The following RTN4 variants were observed in gnomAD, a reference collection of about 807,000 sequenced individuals.
The protein encoded by RTN4 is reticulon 4, also known as reticulon-4.
A neutral mutation model predicts 90.4 loss-of-function variants in RTN4; 32 were observed. That is an observed-to-expected ratio of 0.35 (90% CI 0.27 to 0.48). The LOEUF (loss-of-function observed/expected upper bound fraction) is 0.48, where lower values mean the gene tolerates loss of function less well. Ranked by LOEUF, RTN4 falls within the 20% of genes least tolerant of loss-of-function variation. The pLI is 0.99. For missense variants in RTN4, 1,706 were observed against 1,430.2 expected (o/e 1.19, Z -3.11); for synonymous variants, 629 against 552.5 (o/e 1.14, Z -1.94).
chr2:55,122,587 G>A, the RTN4 span, among the ~76,000 whole-genome samples: 1 of 152,226 alleles, frequency 6.6e-6, no homozygotes, highest in Non-Finnish European at 1.5e-5. Flanking sequence ...TGAGCAGGAA[G>A]ATAAGCTGGC....
At chr2:55,058,960 C>T (rs1004709051) in intron 2 of RTN4, among the ~76,000 whole-genome samples, 2 of 151,996 alleles carry the variant, frequency 1.3e-5, no homozygotes, top group East Asian at 1.9e-4. Context: ...GTCGCCACCT[C>T]GGCCTCTCAG....
chr2:55,056,268 G>C (rs768497034), intron 2 of RTN4, among the ~76,000 whole-genome samples: 2 of 151,914 alleles, frequency 1.3e-5, no homozygotes, highest in Non-Finnish European at 2.9e-5. Context: ...CCCTCCCCTC[G>C]TGATAGTCAC....
rs1668743217 is a variant in RTN4, at chr2:55,082,655, T to C, written c.-213-2016A>G. Among the ~76,000 whole-genome samples, 3 of 152,216 alleles carry C rather than the reference T, an allele frequency of 2.0e-5. No homozygotes were observed. The South Asian group carries it at 6.2e-4, about 31-fold the overall frequency. On this transcript the variant is annotated intron_variant, in intron 1 of 3. Coordinates refer to the RTN4 transcript ENST00000427710. ...GCTAAGTTCTATGCATCATAAACCA[T>C]GGTAGGTGTTGGAAACAATAAAATT...
At chr2:55,131,920 T>A in the RTN4 span, among the ~76,000 whole-genome samples, 1 of 152,130 alleles carries the variant, frequency 6.6e-6, no homozygotes, top group East Asian at 1.9e-4. Flanking sequence ...TATTACATAT[T>A]TCTTTTTTTA....
chr2:55,026,445 GA>G lies in RTN4; in HGVS notation c.1653del (p.Pro552GlnfsTer3). 6.2e-7 allele frequency: 1 copy of G among 1,613,818 alleles called. No individual in the cohort carries two copies. The highest frequency in any genetic ancestry group is 8.5e-7 in the Non-Finnish European group (1 of 1,179,888). ...EVVANMPEGL[T>X]PDLVQEACES... is the part of the protein sequence containing the mutation. ...TCACATGCTTCCTGTACTAAATCTG[GA>G]GTCAGGCCTTCAGGCATGTTTGCCA... On this transcript the variant is annotated frameshift_variant, in exon 3 of 9. Coordinates refer to ENST00000337526, the MANE Select transcript of RTN4 (RefSeq NM_020532.5). LOFTEE classifies it high-confidence loss of function.
rs548328197 is a variant in RTN4, at chr2:55,045,031, T to C, written c.556+4714A>G. Among the ~76,000 whole-genome samples the C allele has an allele frequency of 7.2e-4, 110 of 152,280 alleles. 1 individual carries two copies. The highest frequency in any genetic ancestry group is 2.6e-3 in the African/African-American group (107 of 41,560). ...GGAACTTGGACTTTATATTAAGAACTGATACCTAATATTTAAACCATATGT... is the reference window on the plus strand; with the variant it reads ...GGAACTTGGACTTTATATTAAGAACCGATACCTAATATTTAAACCATATGT... On this transcript the variant is annotated intron_variant, in intron 1 of 8. Transcript: ENST00000337526.
intron 2 of RTN4, among the ~76,000 whole-genome samples, chr2:55,073,019 C>T (rs1316194254): frequency 1.3e-5 from 2 of 152,130 alleles, no homozygotes; most frequent in African/African-American, 2.4e-5. Flanking sequence ...TTCCATCCCT[C>T]AATATAATTA....
intron 1 of RTN4, among the ~76,000 whole-genome samples, chr2:55,088,770 A>G (rs1362304458): frequency 6.6e-6 from 1 of 152,192 alleles, no homozygotes; most frequent in East Asian, 1.9e-4. Flanking sequence ...AGGCAGAGGG[A>G]GGAACACAGA....
intron 3 of RTN4, among the ~76,000 whole-genome samples, chr2:55,017,241 C>T (rs982613313): frequency 6.6e-6 from 1 of 152,060 alleles, no homozygotes; most frequent in African/African-American, 2.4e-5. Flanking sequence ...TTAGTATCTA[C>T]AGTACTTCAG....
chr2:55,124,258 C>G, the RTN4 span, among the ~76,000 whole-genome samples: 13 of 152,320 alleles, frequency 8.5e-5, no homozygotes, highest in African/African-American at 3.1e-4. Context: ...TATTGAGGCC[C>G]CAACAACCAG....
intron 4 of RTN4, among the ~76,000 whole-genome samples, chr2:54,986,603 GA>G (rs1678581185): frequency 6.6e-6 from 1 of 152,166 alleles, no homozygotes; most frequent in African/African-American, 2.4e-5. Context: ...TATATGAGAT[GA>G]AAACAAAGAT....
chr2:55,031,489 G>C (rs894881747), intron 1 of RTN4, among the ~76,000 whole-genome samples: 1 of 152,178 alleles, frequency 6.6e-6, no homozygotes, highest in Non-Finnish European at 1.5e-5. Context: ...TGAATACTAC[G>C]CTGCATGTGC....
intron 4 of RTN4, 37 bp from the exon 5 acceptor site, chr2:54,982,690 G>C: frequency 1.3e-6 from 2 of 1,565,622 alleles, no homozygotes; most frequent in Non-Finnish European, 1.7e-6. Context: ...TCACTAATTG[G>C]AGTGATTTTC....
chr2:54,977,183 T>G (rs1364889745), intron 5 of RTN4, among the ~76,000 whole-genome samples: 1 of 152,238 alleles, frequency 6.6e-6, no homozygotes, highest in African/African-American at 2.4e-5. Flanking sequence ...TCCTGCACTC[T>G]CAAACTCTAA....
intron 2 of RTN4, among the ~76,000 whole-genome samples, chr2:55,071,728 C>T (rs1668518596): frequency 6.6e-6 from 1 of 152,090 alleles, no homozygotes. Context: ...GCCGCAGTGC[C>T]TGTGGTTGTC....
At chr2:55,049,652 G>A (rs1667983604) in intron 1 of RTN4, 93 bp downstream of exon 1, 1 of 1,527,038 alleles carries the variant, frequency 6.5e-7, no homozygotes, top group Non-Finnish European at 8.8e-7. Context: ...CCCTCGGGGC[G>A]GAGAGGAGGG....
At chr2:55,010,276 G>C in intron 3 of RTN4, 2 of 1,477,490 alleles carry the variant, frequency 1.4e-6, no homozygotes, top group Non-Finnish European at 1.8e-6. Flanking sequence ...CAGGACTGAA[G>C]TCACCTGACG....
At chr2:55,068,956 C>G (rs534113251) in intron 2 of RTN4, among the ~76,000 whole-genome samples, 1 of 152,354 alleles carries the variant, frequency 6.6e-6, no homozygotes, top group African/African-American at 2.4e-5. Flanking sequence ...TACTTTAAAG[C>G]CACTGCCTTG....
chr2:55,031,110 G>C (rs1358063459), intron 1 of RTN4, among the ~76,000 whole-genome samples: 2 of 152,072 alleles, frequency 1.3e-5, no homozygotes, highest in East Asian at 1.9e-4. Flanking sequence ...CAAAAAACCT[G>C]CATTTTAAAA....
Sources: gnomAD v4.1 joint callset for allele counts (sites outside exome capture counted in the v4.1 genomes callset) on GRCh38, gnomAD v4.1.1 for gene constraint, MANE v1.5 for transcripts, NCBI Gene and HGNC (gene_info 2026-07-23, HGNC 2026-07-21) for gene names.